FAM90A1: variants seen among roughly 807,000 people sequenced by gnomAD.
FAM90A1 encodes protein FAM90A1.
A neutral mutation model predicts 14.8 loss-of-function variants in FAM90A1; 10 were observed. The observed-to-expected ratio is 0.67, with a 90% confidence interval of 0.42 to 1.14. FAM90A1 has a LOEUF of 1.14. Among genes scored for constraint, FAM90A1 ranks in the 50% most tolerant of loss-of-function variants. The pLI is 0.00. For missense variants in FAM90A1, 567 were observed against 602.8 expected (o/e 0.94, Z 0.62); for synonymous variants, 236 against 248.4 (o/e 0.95, Z 0.47).
chr12:8,224,255 A>C (rs748956317), intron 4 of FAM90A1, 40 bp from the exon 5 acceptor site: 1 of 1,513,490 alleles, frequency 6.6e-7, no homozygotes, highest in Non-Finnish European at 9.1e-7. Flanking sequence ...AGTGAGCTGA[A>C]GCCACAGGCA....
chr12:8,221,857 A>AG lies in FAM90A1; in HGVS notation c.1359dup (p.Ser454LeufsTer9), dbSNP rs1402166884. On this transcript the variant is annotated frameshift_variant, in exon 7 of 7. Transcript: ENST00000538603. LOFTEE classifies it low-confidence loss of function (END_TRUNC). The stretch of plus-strand genomic sequence containing the variant: ...TCAGAATCGCTGTCCTCTGAGGAGG[A>AG]GGGAACCTGAAGGTCCTCATAGAGG... The AG allele has an allele frequency of 6.3e-7, 1 of 1,596,204 alleles. No individual in the cohort carries two copies. Among genetic ancestry groups the AG allele is most frequent in the Non-Finnish European group, 8.5e-7 (1 of 1,179,670 alleles).
chr12:8,222,336 G>T lies in FAM90A1; in HGVS notation c.881C>A (p.Ala294Asp). ...LSFGPGAKRS[A>D]PAPIQACLNF... is the part of the protein sequence containing the mutation. ...CAGGCAAGCCTGAATCGGAGCCGGGGCAGATCTCTTGGCTCCTGGCCCGAA... is the reference window on the plus strand; with the variant it reads ...CAGGCAAGCCTGAATCGGAGCCGGGTCAGATCTCTTGGCTCCTGGCCCGAA... Residue 294 changes from alanine (A) to aspartate (D), a missense_variant, in exon 7 of 7, where the codon GCC becomes GAC. Ala to Asp is a moderately radical substitution (Grantham distance 126). Coordinates refer to ENST00000538603, the MANE Select transcript of FAM90A1 (RefSeq NM_018088.3). 2 of 1,611,654 alleles carry T rather than the reference G, an allele frequency of 1.2e-6. No homozygotes were observed. Among genetic ancestry groups the T allele is most frequent in the Non-Finnish European group, 1.7e-6 (2 of 1,179,932 alleles).
chr12:8,224,942 C>G, intron 3 of FAM90A1, 54 bp from the exon 4 acceptor site: 1 of 1,398,004 alleles, frequency 7.2e-7, no homozygotes, highest in African/African-American at 1.4e-5. Context: ...TGGATATTCA[C>G]ACACCCACAG....
In FAM90A1 at chr12:8,222,009, C is replaced by T; in HGVS notation, c.1208G>A (p.Arg403His). ...RVLFRRLENGRWSSSLLTAPS... is the reference protein window; with the variant it reads ...RVLFRRLENGHWSSSLLTAPS... ...GGCCGTCAGCAGGCTGGAGCTCCAG[C>T]GTCCGTTTTCCAGTCTCCGAAAGAG... Residue 403 changes from arginine (R) to histidine (H), a missense_variant, in exon 7 of 7, where the codon CGC becomes CAC. By Grantham distance (29) the Arg-to-His change is conservative. Coordinates refer to ENST00000538603, the MANE Select transcript of FAM90A1 (RefSeq NM_018088.3). The T allele has an allele frequency of 6.3e-7, 1 of 1,599,434 alleles. No individual in the cohort carries two copies. Among genetic ancestry groups the T allele is most frequent in the Non-Finnish European group, 8.5e-7 (1 of 1,179,864 alleles).
rs1468067580 is a variant in FAM90A1 at position 8,221,935 on chromosome 12, G to C, written c.1282C>G (p.Pro428Ala). Reference protein sequence around the residue: ...EKPGAFLAQSPHVSEKSEGPC... With the variant: ...EKPGAFLAQSAHVSEKSEGPC... ...CCCTCAGACTTCTCTGAGACATGAG[G>C]GCTCTGAGCGAGGAAGGCTCCCGGC... The change falls in exon 7 of 7, where the codon CCT becomes GCT. Residue 428 changes from proline (P) to alanine (A), a missense_variant. Pro to Ala is a conservative substitution (Grantham distance 27). Coordinates refer to ENST00000538603, the MANE Select transcript of FAM90A1 (RefSeq NM_018088.3). 6.3e-7 allele frequency: 1 copy of C among 1,596,512 alleles called. No homozygotes were observed. Among genetic ancestry groups the C allele is most frequent in the Admixed American group, 1.7e-5 (1 of 60,022 alleles).
chr12:8,226,165 T>C (rs1948937954), intron 2 of FAM90A1, 107 bp downstream of exon 2: 1 of 152,298 alleles, frequency 6.6e-6, no homozygotes, highest in Non-Finnish European at 1.5e-5. Context: ...GAAGAATAGA[T>C]GTTCCCCGTC....
Position 8,222,723 on chromosome 12 carries a change from A to G in FAM90A1, c.494T>C (p.Leu165Pro). 1 of 1,605,872 alleles carries G rather than the reference A, an allele frequency of 6.2e-7. No homozygotes were observed. Among genetic ancestry groups the G allele is most frequent in the East Asian group, 2.2e-5 (1 of 44,886 alleles). The change falls in exon 7 of 7, where the codon CTC becomes CCC. Residue 165 changes from leucine to proline, a missense_variant. Transcript: ENST00000538603. ...TSKRPRVDPVLSDRSATEMSD... is the reference protein window; with the variant it reads ...TSKRPRVDPVPSDRSATEMSD... ...CATTTCGGTAGCTGAGCGATCAGAG[A>G]GGACAGGGTCCACACGCGGCCTCTT...
At chr12:8,225,495 C>T (rs1399000854) in intron 3 of FAM90A1, among the ~76,000 whole-genome samples, 1 of 152,240 alleles carries the variant, frequency 6.6e-6, no homozygotes, top group Non-Finnish European at 1.5e-5. Flanking sequence ...ACGCATGCCA[C>T]ACGAATTCAT....
At chr12:8,222,836 A>G (rs200481019) in intron 6 of FAM90A1, 52 bp from the exon 7 acceptor site, 16 of 1,544,458 alleles carry the variant, frequency 1.0e-5, no homozygotes, top group East Asian at 4.8e-5. Flanking sequence ...TGGAGCCAAC[A>G]TGAAAATCAA....
At chr12:8,226,977 A>G (rs1346008491) in intron 1 of FAM90A1, among the ~76,000 whole-genome samples, 1 of 151,298 alleles carries the variant, frequency 6.6e-6, no homozygotes, top group Non-Finnish European at 1.5e-5. Flanking sequence ...TTATTTTGGT[A>G]TTTTTAGTAG....
At chr12:8,226,861 A>C (rs1948956486) in intron 1 of FAM90A1, among the ~76,000 whole-genome samples, 1 of 120,990 alleles carries the variant, frequency 8.3e-6, no homozygotes, top group Non-Finnish European at 1.6e-5. Flanking sequence ...GCTGGGGTGC[A>C]GTGGTGTGAT....
Sources: allele counts gnomAD v4.1 joint callset (sites outside exome capture counted in the v4.1 genomes callset), GRCh38; gene constraint gnomAD v4.1.1; transcripts MANE v1.5; gene names NCBI Gene and HGNC (gene_info 2026-07-23, HGNC 2026-07-21).